Variants in MUC4 observed in about 807,000 individuals in gnomAD.
MUC4 encodes the protein mucin 4, cell surface associated.
Under a neutral mutation model 257.9 loss-of-function variants are expected in MUC4, and 202 were observed. The ratio of observed to expected loss-of-function variants is 0.78; its 90% CI spans 0.70 to 0.88. The LOEUF (loss-of-function observed/expected upper bound fraction) is 0.88, where lower values mean the gene tolerates loss of function less well. MUC4 is among the 40% of genes least tolerant of loss of function. The pLI is 0.00. For synonymous variants in MUC4, 2,351 were observed against 2,757.1 expected, an observed-to-expected ratio of 0.85 and a Z score of 4.62; for missense variants, 5,976 against 6,513.7, an observed-to-expected ratio of 0.92 and a Z score of 2.84.
chr3:195,759,146 G>C lies in MUC4; in HGVS notation c.14964C>G (p.Ser4988Arg). ...TACCAAAGAGCTCCAAGTCGGTGCAGCTGTCTCTGAGCGTGAAGTTGGCAT... is the reference window on the plus strand; with the variant it reads ...TACCAAAGAGCTCCAAGTCGGTGCACCTGTCTCTGAGCGTGAAGTTGGCAT... The part of the protein sequence containing the change: ...AEDANFTLRD[S>R]CTDLELFENG... The change falls in exon 17 of 25, where the codon AGC (serine) becomes AGG (arginine). Residue 4988 changes from serine to arginine, a missense_variant. Around this residue, in one of 44 missense-constraint regions of MUC4, gnomAD observed 996 missense variants for 1,137.3 expected, o/e 0.88. Transcript: ENST00000463781. 1 of 1,614,046 alleles carries C rather than the reference G, an allele frequency of 6.2e-7. No homozygotes were observed. The highest frequency in any genetic ancestry group is 8.5e-7 in the Non-Finnish European group (1 of 1,179,984).
chr3:195,781,086 G>T lies in MUC4; in HGVS notation c.10494C>A (p.Ser3498=). ...PLHVTIPSSA[S]TGDTSTLPVT... is the part of the protein sequence containing the mutation. ...CAGGAAGAGTGCTGGTGTCACCTGT[G>T]GATGCTGAGGAAGGGATGGTGACAT... is the stretch of plus-strand genomic sequence containing the variant. Residue 3498 remains serine, a synonymous_variant, in exon 2 of 25, where the codon TCC becomes TCA. Transcript: ENST00000463781. 6.7e-7 allele frequency: 1 copy of T among 1,493,012 alleles called. No homozygotes were observed. Among genetic ancestry groups the T allele is most frequent in the African/African-American group, 1.6e-5 (1 of 61,820 alleles). 92.5% of individuals were successfully genotyped at this position (1,493,012 alleles called of 1,614,324 possible). A position where few individuals can be genotyped will look rare whatever the true frequency, so the allele number is the denominator to read the frequency against.
intron 20 of MUC4, 152 bp downstream of exon 20, chr3:195,752,899 G>T: frequency 1.3e-6 from 1 of 753,392 alleles, no homozygotes; most frequent in Non-Finnish European, 2.1e-6. Context: ...AGCTCCCATA[G>T]CCCGCACCTT....
rs374327713 is a variant in MUC4 at position 195,747,880 on chromosome 3, C to G, written c.16035-500G>C. Among the ~76,000 whole-genome samples the G allele has an allele frequency of 5.9e-5, 9 of 151,850 alleles. No individual in the cohort carries two copies. In the South Asian group the frequency reaches 1.0e-3, roughly 17 times the overall value. ...CGTCTCAAAAAACAAAAACAAAAAC[C>G]TGGTGTGAATTCAGCTGCACGTGCA... is the stretch of plus-strand genomic sequence containing the variant. On this transcript the variant is annotated intron_variant, in intron 24 of 24. Transcript: ENST00000463781.
At chr3:195,766,268 T>C (rs550939534) in intron 8 of MUC4, among the ~76,000 whole-genome samples, 2 of 152,062 alleles carry the variant, frequency 1.3e-5, no homozygotes, top group Non-Finnish European at 2.9e-5. Context: ...GCCGGTAGAT[T>C]TTCTTAAAGG....
intron 3 of MUC4, among the ~76,000 whole-genome samples, chr3:195,775,291 C>T (rs946107455): frequency 6.7e-6 from 1 of 149,896 alleles, no homozygotes; most frequent in Non-Finnish European, 1.5e-5. Flanking sequence ...TTTTGCTACC[C>T]TTCTTCTCAT....
rs1438752377 is a variant in MUC4 at position 195,782,871 on chromosome 3, G to A, written c.8709C>T (p.Ser2903=). 6.6e-7 allele frequency: 1 copy of A among 1,522,784 alleles called. No homozygotes were observed. The allele number at this position is 1,522,784 out of a possible 1,614,324, so 94.3% of individuals were successfully genotyped here. The change falls in exon 2 of 25, where the codon TCC becomes TCT. Residue 2903 remains serine (S), a synonymous_variant. Coordinates refer to ENST00000463781, the MANE Select transcript of MUC4 (RefSeq NM_018406.7). The part of the protein sequence containing the change: ...HATPLPLTSL[S]SVSTGDTTPL... The stretch of plus-strand genomic sequence containing the variant: ...GCGTGGTGTCACCTGTGGATACTGA[G>A]GAAAGGCTGGTGAGAGGAAGAGGGG...
Position 195,789,001 on chromosome 3 carries a change from C to A in MUC4, c.2579G>T (p.Ser860Ile). 6.2e-7 allele frequency: 1 copy of A among 1,613,814 alleles called. No homozygotes were observed. Among genetic ancestry groups the A allele is most frequent in the African/African-American group, 1.3e-5 (1 of 74,984 alleles). The change falls in exon 2 of 25, where the codon AGC becomes ATC. Residue 860 changes from serine (S) to isoleucine (I), a missense_variant. This residue lies in a region of MUC4 where 1,583 missense variants were observed against 1,257.4 expected (regional missense o/e 1.26). Coordinates refer to ENST00000463781, the MANE Select transcript of MUC4 (RefSeq NM_018406.7). ...ASASHGAIPV[S>I]TGMASSIVPG... Reference sequence around the variant, plus strand: ...GACGATCGAAGACGCCATTCCTGTGCTTACTGGGATGGCACCATGACTGGC... The same window carrying A: ...GACGATCGAAGACGCCATTCCTGTGATTACTGGGATGGCACCATGACTGGC...
rs1210202578 is a variant in MUC4, at chr3:195,781,552, G to T, written c.10028C>A (p.Thr3343Asn). The T allele has an allele frequency of 6.6e-5, 84 of 1,269,206 alleles. No homozygotes were observed. Among genetic ancestry groups the T allele is most frequent in the Non-Finnish European group, 8.7e-5 (81 of 930,284 alleles). The allele number at this position is 1,269,206 out of a possible 1,614,324, so 78.6% of individuals were successfully genotyped here. The part of the protein sequence containing the change: ...SPSSASTGDT[T>N]PVPVTDTSSV... ...GGAAGTGTCGGTGACAGGCACAGGG[G>T]TGGTGTCACCTGTGGATGCTGAGGA... is the stretch of plus-strand genomic sequence containing the variant. The change falls in exon 2 of 25, where the codon ACC becomes AAC. Residue 3343 changes from threonine to asparagine, a missense_variant. Coordinates refer to ENST00000463781, the MANE Select transcript of MUC4 (RefSeq NM_018406.7).
rs144982452 is a variant in MUC4 at position 195,795,632 on chromosome 3, G to A, written c.83-4135C>T. Among the ~76,000 whole-genome samples the A allele has an allele frequency of 6.8e-3, 1,032 of 152,154 alleles. 9 individuals carry two copies. The highest frequency in any genetic ancestry group is 0.024 in the African/African-American group (984 of 41,506). ...GAAAGGAAGCAAGACCCTCGGTCAC[G>A]ACACTGAACTGAGTTTCCCTGCAAA... On this transcript the variant is annotated intron_variant, in intron 1 of 24. Transcript: ENST00000463781.
chr3:195,789,001 C>T lies in MUC4; in HGVS notation c.2579G>A (p.Ser860Asn), dbSNP rs760504133. The stretch of plus-strand genomic sequence containing the variant: ...GACGATCGAAGACGCCATTCCTGTG[C>T]TTACTGGGATGGCACCATGACTGGC... ...ASASHGAIPV[S>N]TGMASSIVPG... Residue 860 changes from serine (S) to asparagine (N), a missense_variant, in exon 2 of 25, where the codon AGC becomes AAC. By Grantham distance (46) the Ser-to-Asn change is conservative. Coordinates refer to ENST00000463781, the MANE Select transcript of MUC4 (RefSeq NM_018406.7). The T allele has an allele frequency of 2.5e-6, 4 of 1,613,814 alleles. No homozygotes were observed. The highest frequency in any genetic ancestry group is 3.4e-6 in the Non-Finnish European group (4 of 1,179,844).
Position 195,788,685 on chromosome 3 carries a change from G to A in MUC4, c.2895C>T (p.Thr965=), listed in dbSNP as rs780362261. Reference sequence around the variant, plus strand: ...CGTTGCTGATGAGGGCCGTGGTGAAGGTTTTACCAGACCCTGAAGGTGACA... The same window carrying A: ...CGTTGCTGATGAGGGCCGTGGTGAAAGTTTTACCAGACCCTGAAGGTGACA... ...HTLSPSGSGK[T]FTTALISNAT... is the part of the protein sequence containing the mutation. Residue 965 remains threonine, a synonymous_variant, in exon 2 of 25, where the codon ACC becomes ACT. Coordinates refer to ENST00000463781, the MANE Select transcript of MUC4 (RefSeq NM_018406.7). 5.6e-6 allele frequency: 9 copies of A among 1,612,142 alleles called. No homozygotes were observed. The highest frequency in any genetic ancestry group is 5.9e-6 in the Non-Finnish European group (7 of 1,179,658).
intron 1 of MUC4, among the ~76,000 whole-genome samples, chr3:195,796,396 T>G: frequency 6.6e-6 from 1 of 152,188 alleles, no homozygotes; most frequent in Non-Finnish European, 1.5e-5. Flanking sequence ...ATAAACTATT[T>G]TAAATTGAAT....
At chr3:195,770,909 A>C (rs1450402510) in intron 5 of MUC4, 1 of 456,988 alleles carries the variant, frequency 2.2e-6, no homozygotes, top group East Asian at 6.9e-5. Flanking sequence ...TCAAAGGCTG[A>C]ATTGTCAGCC....
chr3:195,753,745 C>T (rs530585617), intron 19 of MUC4: 1 of 186,104 alleles, frequency 5.4e-6, no homozygotes, highest in East Asian at 1.5e-4. Context: ...AAATCAGGCA[C>T]CTTTGCTGCC....
In MUC4 at chr3:195,794,146, G is replaced by A. The variant is rs1395458708; in HGVS notation, c.83-2649C>T. 7.3e-5 allele frequency among the ~76,000 whole-genome samples: 11 copies of A among 151,134 alleles called. No homozygotes were observed. The South Asian group carries it at 2.3e-3, about 31-fold the overall frequency. On this transcript the variant is annotated intron_variant, in intron 1 of 24. Coordinates refer to ENST00000463781, the MANE Select transcript of MUC4 (RefSeq NM_018406.7). ...AATAAATAAAGAAAAATATTTCCCAGGCAGAATGTTTAAATATTGGCTTTT... is the reference window on the plus strand; with the variant it reads ...AATAAATAAAGAAAAATATTTCCCAAGCAGAATGTTTAAATATTGGCTTTT...
chr3:195,785,770 A>T lies in MUC4; in HGVS notation c.5810T>A (p.Leu1937His), dbSNP rs1222399547. The T allele has an allele frequency of 1.3e-6, 2 of 1,485,602 alleles. No individual in the cohort carries two copies. The highest frequency in any genetic ancestry group is 2.5e-5 in the South Asian group (2 of 81,258). 92.0% of individuals were successfully genotyped at this position (1,485,602 alleles called of 1,614,324 possible). A position where few individuals can be genotyped will look rare whatever the true frequency, so the allele number is the denominator to read the frequency against. ...TGCTGAGGAAGGGCTAGTGACAGGAAGAGGCGTGGTGTCACCTGTGGATGC... is the reference window on the plus strand; with the variant it reads ...TGCTGAGGAAGGGCTAGTGACAGGATGAGGCGTGGTGTCACCTGTGGATGC... ...SSASTGDTTP[L>H]PVTSPSSASS... is the part of the protein sequence containing the mutation. Residue 1937 changes from leucine to histidine, a missense_variant, in exon 2 of 25, where the codon CTT (leucine) becomes CAT (histidine). Leu to His is a moderately conservative substitution (Grantham distance 99). Coordinates refer to ENST00000463781, the MANE Select transcript of MUC4 (RefSeq NM_018406.7).
rs1203624305 is a variant in MUC4, at chr3:195,788,350, C to G, written c.3230G>C (p.Ser1077Thr). The G allele has an allele frequency of 6.6e-7, 1 of 1,516,666 alleles. No homozygotes were observed. Among genetic ancestry groups the G allele is most frequent in the South Asian group, 1.2e-5 (1 of 83,368 alleles). 94.0% of individuals were successfully genotyped at this position (1,516,666 alleles called of 1,614,324 possible). The change falls in exon 2 of 25, where the codon AGC becomes ACC. Residue 1077 changes from serine (S) to threonine (T), a missense_variant. By Grantham distance (58) the Ser-to-Thr change is moderately conservative (BLOSUM62 1). This residue lies in a region of MUC4 where 68 missense variants were observed against 90.4 expected (regional missense o/e 0.75). Transcript: ENST00000463781. ...TGHVTPLPVT[S>T]LSSASTGDTT... ...GTCACCTGTGGATGCTGAGGAAAGG[C>G]TGGTGACAGGAAGAGGGGTGACGTG...
chr3:195,766,551 TC>T, intron 8 of MUC4, 111 bp downstream of exon 8: 1 of 948,912 alleles, frequency 1.1e-6, no homozygotes, highest in Non-Finnish European at 1.7e-6. Context: ...GGGAGGCCCT[TC>T]AGGATGGCCG....
intron 17 of MUC4, 136 bp downstream of exon 17, chr3:195,758,988 T>G (rs1409563309): frequency 8.1e-7 from 1 of 1,230,464 alleles, no homozygotes; most frequent in African/African-American, 1.5e-5. Flanking sequence ...TCCTCGGAAA[T>G]GCCGGTCCTG....
Sources: gnomAD v4.1 joint callset for allele counts (sites outside exome capture counted in the v4.1 genomes callset) on GRCh38, gnomAD v4.1.1 for gene constraint, gnomAD v4.1.1 regional missense constraint, MANE v1.5 for transcripts, NCBI Gene and HGNC (gene_info 2026-07-23, HGNC 2026-07-21) for gene names.